MRTFB: variants seen among roughly 807,000 people sequenced by gnomAD.
MRTFB encodes myocardin related transcription factor B, also known as myocardin-related transcription factor B.
In MRTFB, 29 loss-of-function variants were observed where a neutral mutation model predicts 104.2. That is an observed-to-expected ratio of 0.28 (90% CI 0.21 to 0.38). The LOEUF (loss-of-function observed/expected upper bound fraction) is 0.38, where lower values mean the gene tolerates loss of function less well. Ranked by LOEUF, MRTFB falls within the 10% of genes least tolerant of loss-of-function variation. The pLI, the probability that MRTFB is intolerant of heterozygous loss-of-function variation, is 1.00. For synonymous variants in MRTFB, 535 were observed against 519.5 expected (o/e 1.03, Z -0.41); for missense variants, 1,270 against 1,341.6 (o/e 0.95, Z 0.83).
At chr16:14,227,314 A>G (rs1385641491) in intron 8 of MRTFB, among the ~76,000 whole-genome samples, 1 of 151,556 alleles carries the variant, frequency 6.6e-6, no homozygotes, top group African/African-American at 2.4e-5. Context: ...AAGAAAGAAA[A>G]GCCCAGCCCC....
At chr16:14,162,322 A>G (rs532772238) in intron 3 of MRTFB, among the ~76,000 whole-genome samples, 1 of 151,910 alleles carries the variant, frequency 6.6e-6, no homozygotes. Flanking sequence ...ACAGAGCAAG[A>G]CCCTGTTTCC....
At chr16:14,252,315 A>G (rs199569404) in intron 14 of MRTFB, 50 bp from the exon 15 acceptor site, 2 of 1,586,636 alleles carry the variant, frequency 1.3e-6, no homozygotes, top group Non-Finnish European at 8.6e-7. Context: ...CCAGGAAAAG[A>G]GAGGTTTATT....
chr16:14,050,842 G>C, the MRTFB span, among the ~76,000 whole-genome samples: 418 of 152,258 alleles, frequency 2.7e-3, 3 homozygotes, highest in African/African-American at 9.5e-3. Flanking sequence ...CGATAATACT[G>C]TCTTGACTCG....
rs548843069 is a variant in MRTFB, at chr16:14,260,609, TACTG to T, written c.2765-298_2765-295del. On this transcript the variant is annotated intron_variant, in intron 16 of 16. Coordinates refer to ENST00000571589, the MANE Select transcript of MRTFB (RefSeq NM_001308142.2). ...TATAACTGCTTTTAATGCTTAGTCTTACTGAGAAGAATTTAAAGCATATCAGAAT... is the reference window on the plus strand; with the variant it reads ...TATAACTGCTTTTAATGCTTAGTCTTAGAAGAATTTAAAGCATATCAGAAT... 3.2e-4 allele frequency among the ~76,000 whole-genome samples: 48 copies of T among 152,312 alleles called. 1 individual carries two copies. Among genetic ancestry groups the T allele is most frequent in the Non-Finnish European group, 6.2e-4 (42 of 68,032 alleles).
intron 2 of MRTFB, among the ~76,000 whole-genome samples, chr16:14,093,309 T>C (rs1429162876): frequency 6.6e-6 from 1 of 152,176 alleles, no homozygotes; most frequent in Non-Finnish European, 1.5e-5. Context: ...CAAGCACTCT[T>C]GTCCTGCCAC....
chr16:14,238,805 C>A (rs1048018334), intron 9 of MRTFB, among the ~76,000 whole-genome samples: 4 of 152,228 alleles, frequency 2.6e-5, no homozygotes, highest in Non-Finnish European at 5.9e-5. Flanking sequence ...AACAACCAAT[C>A]ATTTCCAATA....
Position 14,212,540 on chromosome 16 carries a change from A to G in MRTFB, c.276+131A>G, listed in dbSNP as rs2041238261. 2.2e-5 allele frequency: 17 copies of G among 781,232 alleles called. No individual in the cohort carries two copies. The Admixed American group carries it at 2.2e-4, about 10-fold the overall frequency. 48.4% of individuals were successfully genotyped at this position (781,232 alleles called of 1,614,324 possible). On this transcript the variant is annotated intron_variant, in intron 5 of 16. Coordinates refer to ENST00000571589, the MANE Select transcript of MRTFB (RefSeq NM_001308142.2). ...AAAAAATAGTGTATTTTCAGGATAC[A>G]TGGCATAGAGAATATTTACTCTGGG...
the MRTFB span, among the ~76,000 whole-genome samples, chr16:14,004,321 G>A: frequency 5.0e-3 from 758 of 152,328 alleles, 10 homozygotes; most frequent in African/African-American, 0.017. Context: ...AAGGACCACA[G>A]GTTAATCAGG....
chr16:14,085,188 G>A (rs941962262), intron 2 of MRTFB, among the ~76,000 whole-genome samples: 1 of 152,052 alleles, frequency 6.6e-6, no homozygotes, highest in Non-Finnish European at 1.5e-5. Flanking sequence ...AGGTGTGGTG[G>A]CCCACGCCTG....
intron 2 of MRTFB, among the ~76,000 whole-genome samples, chr16:14,127,927 ATATTTTT>A (rs1407967741): frequency 2.8e-3 from 109 of 38,756 alleles, no homozygotes; most frequent in Admixed American, 4.9e-3. Context: ...ATATATATAT[ATATTTTT>A]TTTTTTTTTT....
intron 3 of MRTFB, chr16:14,151,072 T>C (rs1190056715): frequency 6.6e-6 from 1 of 152,216 alleles, no homozygotes; most frequent in Non-Finnish European, 1.5e-5. Flanking sequence ...TACTCGCAGC[T>C]CTTGAGCTTC....
At chr16:14,040,217 A>G in the MRTFB span, among the ~76,000 whole-genome samples, 2 of 152,212 alleles carry the variant, frequency 1.3e-5, no homozygotes, top group Non-Finnish European at 2.9e-5. Flanking sequence ...AATATACGCC[A>G]TTTGTATTTA....
chr16:14,060,901 C>T, the MRTFB span, among the ~76,000 whole-genome samples: 1 of 152,130 alleles, frequency 6.6e-6, no homozygotes, highest in Non-Finnish European at 1.5e-5. Context: ...AATCCCAGCA[C>T]TTTGGGAGGC....
chr16:14,195,297 T>C (rs2301215), intron 3 of MRTFB, among the ~76,000 whole-genome samples: 26,059 of 152,236 alleles, frequency 0.17, 2,842 homozygotes, highest in East Asian at 0.25. Flanking sequence ...CAATCCTCTA[T>C]GCTGTGCATG....
chr16:14,189,149 C>T (rs977555084), intron 3 of MRTFB, among the ~76,000 whole-genome samples: 10 of 152,090 alleles, frequency 6.6e-5, no homozygotes, highest in African/African-American at 2.2e-4. Flanking sequence ...AAGTTAGTGA[C>T]ATTGAAAGGA....
intron 9 of MRTFB, among the ~76,000 whole-genome samples, chr16:14,237,025 G>T (rs1274843537): frequency 6.6e-6 from 1 of 152,206 alleles, no homozygotes; most frequent in Non-Finnish European, 1.5e-5. Context: ...GCAACTTGCA[G>T]TTGCCACGTC....
the MRTFB span, among the ~76,000 whole-genome samples, chr16:14,050,523 C>A: frequency 1.1e-4 from 17 of 152,234 alleles, no homozygotes; most frequent in Non-Finnish European, 2.4e-4. Context: ...CAGGCTGAGG[C>A]AGGAGGATCT....
In MRTFB at chr16:14,140,723, C is replaced by T. The variant is rs1390452836; in HGVS notation, c.117C>T (p.Ser39=). 6.2e-7 allele frequency: 1 copy of T among 1,614,118 alleles called. No individual in the cohort carries two copies. Among genetic ancestry groups the T allele is most frequent in the Admixed American group, 1.7e-5 (1 of 60,020 alleles). The part of the protein sequence containing the change: ...AHEFQELSLQ[S]SQNLPPLNER... ...AATTCCAGGAACTCTCCTTGCAGTC[C>T]AGTCAAAACTTACCCCCTCTGAACG... is the stretch of plus-strand genomic sequence containing the variant. Residue 39 remains serine, a synonymous_variant, in exon 3 of 17, where the codon TCC becomes TCT. Transcript: ENST00000571589.
intron 2 of MRTFB, among the ~76,000 whole-genome samples, chr16:14,133,568 C>A (rs1358583411): frequency 6.6e-6 from 1 of 152,004 alleles, no homozygotes; most frequent in Non-Finnish European, 1.5e-5. Context: ...TTTTTAGATT[C>A]CCTTTCTCTT....
Sources: allele counts gnomAD v4.1 joint callset (sites outside exome capture counted in the v4.1 genomes callset), GRCh38; gene constraint gnomAD v4.1.1; transcripts MANE v1.5; gene names NCBI Gene and HGNC (gene_info 2026-07-23, HGNC 2026-07-21).